Variants in RGL1 observed in about 807,000 individuals in gnomAD.
The protein encoded by RGL1 is ral guanine nucleotide dissociation stimulator like 1, also known as ral guanine nucleotide dissociation stimulator-like 1.
Under a neutral mutation model 95.2 loss-of-function variants are expected in RGL1, and 24 were observed. The observed-to-expected ratio is 0.25, with a 90% confidence interval of 0.18 to 0.35. RGL1 has a LOEUF of 0.35. Ranked by LOEUF, RGL1 falls within the 10% of genes least tolerant of loss-of-function variation. The pLI is 1.00. For synonymous variants in RGL1, 329 were observed against 344.9 expected, an observed-to-expected ratio of 0.95 and a Z score of 0.51; for missense variants, 715 against 936.3, an observed-to-expected ratio of 0.76 and a Z score of 3.08.
chr1:183,805,255 G>A lies in RGL1; in HGVS notation c.-43G>A, dbSNP rs1359325151. On this transcript the variant is annotated 5_prime_UTR_variant, in exon 1 of 18. Coordinates refer to ENST00000360851, the MANE Select transcript of RGL1 (RefSeq NM_001297671.3). ...CAGACATTGCGTTGGCCTCCGAGCA[G>A]GGCGCATCATGCAGCGTTCGCGCAC... 6.2e-7 allele frequency: 1 copy of A among 1,608,094 alleles called. No homozygotes were observed. The highest frequency in any genetic ancestry group is 1.3e-5 in the African/African-American group (1 of 74,874).
intron 2 of RGL1, among the ~76,000 whole-genome samples, chr1:183,825,710 G>A (rs755190845): frequency 3.3e-5 from 5 of 152,160 alleles, no homozygotes; most frequent in Non-Finnish European, 7.3e-5. Context: ...AAGTCATAAT[G>A]AAGTTCCTTG....
chr1:183,700,155 T>C (rs1014285482), intron 1 of RGL1, among the ~76,000 whole-genome samples: 1 of 152,146 alleles, frequency 6.6e-6, no homozygotes, highest in Non-Finnish European at 1.5e-5. Context: ...TAATAGGGAA[T>C]TGCCCACCCA....
chr1:183,660,393 G>A (rs1487884105), intron 1 of RGL1, among the ~76,000 whole-genome samples: 2 of 149,160 alleles, frequency 1.3e-5, no homozygotes, highest in East Asian at 1.9e-4. Flanking sequence ...ACACAAAAAG[G>A]CAGAGGTTGC....
intron 16 of RGL1, among the ~76,000 whole-genome samples, chr1:183,920,822 T>C (rs1266429405): frequency 6.6e-6 from 1 of 152,248 alleles, no homozygotes; most frequent in African/African-American, 2.4e-5. Context: ...TCTTTGCTGC[T>C]TACAAGGACC....
intron 1 of RGL1, among the ~76,000 whole-genome samples, chr1:183,663,503 T>C (rs1459364573): frequency 2.6e-5 from 4 of 151,562 alleles, no homozygotes; most frequent in South Asian, 2.1e-4. Flanking sequence ...CAAATCAAAA[T>C]CACAATGAGA....
At chr1:183,907,248 C>CCTG in intron 14 of RGL1, 147 bp downstream of exon 14, 1 of 621,252 alleles carries the variant, frequency 1.6e-6, no homozygotes. Flanking sequence ...CTGTCATGAA[C>CCTG]TCAAAGCATT....
At chr1:183,794,223 G>A (rs1300942662) in intron 2 of RGL1, among the ~76,000 whole-genome samples, 1 of 152,048 alleles carries the variant, frequency 6.6e-6, no homozygotes, top group East Asian at 1.9e-4. Flanking sequence ...CACTCATGTG[G>A]GAGCTAAAAA....
At chr1:183,816,065 C>T (rs996331412) in intron 2 of RGL1, among the ~76,000 whole-genome samples, 13 of 152,284 alleles carry the variant, frequency 8.5e-5, no homozygotes, top group East Asian at 3.9e-4. Context: ...TAGTAATCCT[C>T]GTATATTAGA....
chr1:183,922,488 T>C (rs1669367940), intron 17 of RGL1, 152 bp downstream of exon 17: 2 of 621,214 alleles, frequency 3.2e-6, no homozygotes, highest in Non-Finnish European at 5.7e-6. Context: ...TGAACAACCG[T>C]GCCATCACCT....
intron 1 of RGL1, among the ~76,000 whole-genome samples, chr1:183,682,719 A>C (rs1255892855): frequency 1.3e-5 from 2 of 152,042 alleles, no homozygotes; most frequent in Non-Finnish European, 2.9e-5. Flanking sequence ...TCCTGAATAT[A>C]CTTGTTAATT....
At chr1:183,646,882 G>A (rs1029582763) in intron 1 of RGL1, 8 of 152,340 alleles carry the variant, frequency 5.3e-5, no homozygotes, top group East Asian at 3.9e-4. Flanking sequence ...AAAAGCTAAA[G>A]AGAAGGGAGA....
At chr1:183,692,387 G>A (rs10911411) in intron 1 of RGL1, among the ~76,000 whole-genome samples, 12,297 of 152,184 alleles carry the variant, frequency 0.081, 913 homozygotes, top group African/African-American at 0.2. Context: ...GGTCATGACT[G>A]GATGAACCAT....
chr1:183,839,094 A>G (rs1218642705), intron 2 of RGL1, among the ~76,000 whole-genome samples: 1 of 152,228 alleles, frequency 6.6e-6, no homozygotes, highest in East Asian at 1.9e-4. Context: ...TGAATTTGCC[A>G]CATGTGCAAG....
chr1:183,870,330 G>T (rs1003717757), intron 4 of RGL1, among the ~76,000 whole-genome samples: 1 of 143,254 alleles, frequency 7.0e-6, no homozygotes, highest in African/African-American at 2.6e-5. Context: ...GTTGTCTTCC[G>T]GCCAGGGTAG....
intron 1 of RGL1, among the ~76,000 whole-genome samples, 163 bp from the exon 2 acceptor site, chr1:183,806,212 C>G (rs1305293328): frequency 6.6e-6 from 1 of 152,082 alleles, no homozygotes; most frequent in Non-Finnish European, 1.5e-5. Context: ...TCAGCATTCC[C>G]TCTATCAAAA....
intron 2 of RGL1, among the ~76,000 whole-genome samples, chr1:183,817,543 A>T (rs1029246533): frequency 2.0e-5 from 3 of 151,980 alleles, no homozygotes; most frequent in African/African-American, 7.3e-5. Context: ...TTCATATGGG[A>T]TCCCCCTGAG....
chr1:183,890,698 A>C (rs1180718555), intron 8 of RGL1, among the ~76,000 whole-genome samples: 1 of 152,188 alleles, frequency 6.6e-6, no homozygotes, highest in African/African-American at 2.4e-5. Flanking sequence ...AAATTTAAAA[A>C]GCCAGCCACA....
At chr1:183,712,482 TGAGA>T (rs746338559) in intron 1 of RGL1, among the ~76,000 whole-genome samples, 14 of 150,688 alleles carry the variant, frequency 9.3e-5, no homozygotes, top group East Asian at 3.9e-4. Context: ...AGAGACAGAG[TGAGA>T]GAGAGAGAGA....
At position 183,759,792 on chromosome 1, in the gene RGL1, G is replaced by A. The variant is rs756732127; in HGVS notation, c.132+17503G>A. 4.0e-4 allele frequency among the ~76,000 whole-genome samples: 61 copies of A among 152,150 alleles called. 1 individual carries two copies. Among genetic ancestry groups the A allele is most frequent in the Non-Finnish European group, 1.8e-4 (12 of 68,028 alleles). ...CATGATGCATTTAATAAGTTTCTTA[G>A]TCTAAACTAAAGGTGGATACTGAGG... On this transcript the variant is annotated intron_variant, in intron 2 of 18. Coordinates refer to the RGL1 transcript ENST00000304685.
Sources: allele counts gnomAD v4.1 joint callset (sites outside exome capture counted in the v4.1 genomes callset), GRCh38; gene constraint gnomAD v4.1.1; transcripts MANE v1.5; gene names NCBI Gene and HGNC (gene_info 2026-07-23, HGNC 2026-07-21).